Variants in TSGA10 observed in about 807,000 individuals in gnomAD.
TSGA10 encodes the protein testis specific 10, also known as testis-specific gene 10 protein.
In TSGA10, 43 loss-of-function variants were observed where a neutral mutation model predicts 96.6. That is an observed-to-expected ratio of 0.44 (90% CI 0.35 to 0.57). The LOEUF is 0.57. Among genes scored for constraint, TSGA10 ranks in the 20% least tolerant of loss-of-function variants. TSGA10 has a pLI of 0.01. For missense variants in TSGA10, 703 were observed against 834.4 expected (o/e 0.84, Z 1.94); for synonymous variants, 229 against 269.9 (o/e 0.85, Z 1.48).
At chr2:99,146,729 A>G (rs1256807505) in intron 1 of TSGA10, among the ~76,000 whole-genome samples, 1 of 152,116 alleles carries the variant, frequency 6.6e-6, no homozygotes, top group African/African-American at 2.4e-5. Flanking sequence ...CCTGGGTTCA[A>G]GCGATTCTCC....
At chr2:99,095,860 C>A (rs1173685240) in intron 10 of TSGA10, among the ~76,000 whole-genome samples, 1 of 152,122 alleles carries the variant, frequency 6.6e-6, no homozygotes, top group Non-Finnish European at 1.5e-5. Flanking sequence ...AGGCTGGTCT[C>A]AATCTCCTGA....
chr2:99,107,070 C>A (rs893623761), intron 7 of TSGA10, among the ~76,000 whole-genome samples: 4 of 152,136 alleles, frequency 2.6e-5, no homozygotes, highest in Admixed American at 6.5e-5. Context: ...ACATCTTTTT[C>A]CTCAAACCAC....
chr2:99,102,565 C>T lies in TSGA10; in HGVS notation c.611+1402G>A, dbSNP rs560672812. On this transcript the variant is annotated intron_variant, in intron 10 of 20. Transcript: ENST00000393483. ...GCTCTGGATGCTCAGCACAGAAAGG[C>T]TGTGTCAGATATGATTATGGAACTT... 624 of 1,614,064 alleles carry T rather than the reference C, an allele frequency of 3.9e-4. 3 individuals are homozygous for T. The highest frequency in any genetic ancestry group is 3.7e-4 in the Admixed American group (22 of 60,020).
intron 10 of TSGA10, among the ~76,000 whole-genome samples, chr2:99,085,674 A>G (rs1039486622): frequency 4.6e-5 from 7 of 150,978 alleles, no homozygotes; most frequent in Admixed American, 1.3e-4. Context: ...TAAAAAACTA[A>G]AAGACACTGC....
intron 1 of TSGA10, among the ~76,000 whole-genome samples, chr2:99,137,756 G>A (rs1258252163): frequency 6.6e-6 from 1 of 152,022 alleles, no homozygotes; most frequent in Non-Finnish European, 1.5e-5. Context: ...CAAAAATATA[G>A]AGAAGTGGAT....
At chr2:99,084,083 T>A (rs1318060387) in intron 10 of TSGA10, among the ~76,000 whole-genome samples, 5 of 152,216 alleles carry the variant, frequency 3.3e-5, no homozygotes, top group Admixed American at 1.3e-4. Flanking sequence ...TGAAATTATT[T>A]TAAAGCAGCA....
rs2091062073 is a variant in TSGA10, at chr2:99,104,025, T to C, written c.553A>G (p.Lys185Glu). ...VEKEMKSLAR[K>E]AMDTESELGR... Reference sequence around the variant, plus strand: ...AGTTCACTTTCGGTATCCATTGCCTTTCTTGCTAGTGATTTCATTTCTTTT... The same window carrying C: ...AGTTCACTTTCGGTATCCATTGCCTCTCTTGCTAGTGATTTCATTTCTTTT... The change falls in exon 10 of 21, where the codon AAG becomes GAG. Residue 185 changes from lysine (K) to glutamate (E), a missense_variant. By Grantham distance (56) the Lys-to-Glu change is moderately conservative. Transcript: ENST00000393483. 6.2e-7 allele frequency: 1 copy of C among 1,614,132 alleles called. No homozygotes were observed. Among genetic ancestry groups the C allele is most frequent in the South Asian group, 1.1e-5 (1 of 91,070 alleles).
chr2:99,134,798 T>G (rs2093254838), intron 1 of TSGA10, among the ~76,000 whole-genome samples: 1 of 152,174 alleles, frequency 6.6e-6, no homozygotes, highest in South Asian at 2.1e-4. Flanking sequence ...TTTGTTGATA[T>G]TGATGCTATT....
intron 13 of TSGA10, among the ~76,000 whole-genome samples, chr2:99,072,801 C>A (rs1204452299): frequency 6.6e-6 from 1 of 152,168 alleles, no homozygotes; most frequent in South Asian, 2.1e-4. Flanking sequence ...TGGTTCTTTG[C>A]TATTCTTTCT....
chr2:99,147,897 G>A lies in TSGA10; in HGVS notation c.-621+6796C>T, dbSNP rs2093648428. Among the ~76,000 whole-genome samples, 4 of 152,230 alleles carry A rather than the reference G, an allele frequency of 2.6e-5. No homozygotes were observed. In the South Asian group the frequency reaches 8.3e-4, roughly 32 times the overall value. ...TGTATTTCCTAAGAACAAGGACATT[G>A]ACTTATATAACCACAATACAATTAT... is the stretch of plus-strand genomic sequence containing the variant. On this transcript the variant is annotated intron_variant, in intron 1 of 20. Transcript: ENST00000393483.
intron 10 of TSGA10, among the ~76,000 whole-genome samples, chr2:99,100,703 C>T (rs916508727): frequency 1.3e-5 from 2 of 151,072 alleles, no homozygotes; most frequent in Non-Finnish European, 3.0e-5. Flanking sequence ...GCCTGTAGTC[C>T]CAGCTGCTCA....
intron 17 of TSGA10, among the ~76,000 whole-genome samples, chr2:99,023,771 G>C (rs2080264513): frequency 6.6e-6 from 1 of 152,170 alleles, no homozygotes; most frequent in South Asian, 2.1e-4. Flanking sequence ...CCTTATGCTA[G>C]TACCACATTG....
intron 10 of TSGA10, among the ~76,000 whole-genome samples, chr2:99,081,770 C>T (rs1303607763): frequency 6.6e-6 from 1 of 151,770 alleles, no homozygotes; most frequent in African/African-American, 2.4e-5. Flanking sequence ...GAGATGTCTG[C>T]AACACAGGAA....
At chr2:99,047,984 GAATAA>G (rs1440233418) in intron 16 of TSGA10, among the ~76,000 whole-genome samples, 1 of 152,112 alleles carries the variant, frequency 6.6e-6, no homozygotes, top group East Asian at 1.9e-4. Flanking sequence ...GCTTCAAAGA[GAATAA>G]AATACCTAGG....
intron 3 of TSGA10, among the ~76,000 whole-genome samples, chr2:99,118,162 T>C (rs1437205265): frequency 1.3e-5 from 2 of 151,928 alleles, no homozygotes; most frequent in East Asian, 3.9e-4. Context: ...ATATATTAAC[T>C]CTTTTAGGCC....
In TSGA10 at chr2:99,081,270, A is replaced by G. The variant is rs1294684687; in HGVS notation, c.727+12T>C. The G allele has an allele frequency of 1.4e-6, 2 of 1,455,764 alleles. No individual in the cohort carries two copies. The highest frequency in any genetic ancestry group is 1.3e-5 in the South Asian group (1 of 75,204). The allele number at this position is 1,455,764 out of a possible 1,614,324, so 90.2% of individuals were successfully genotyped here. A position where few individuals can be genotyped will look rare whatever the true frequency, so the allele number is the denominator to read the frequency against. On this transcript the variant is annotated intron_variant, in intron 11 of 20. Coordinates refer to ENST00000393483, the MANE Select transcript of TSGA10 (RefSeq NM_025244.4). The stretch of plus-strand genomic sequence containing the variant: ...GAAAAACTAAAAGTAATATTAAGAG[A>G]AAAAAACTCACCAATTTTTTCATCC...
intron 13 of TSGA10, among the ~76,000 whole-genome samples, chr2:99,072,588 C>T (rs1268564553): frequency 1.3e-5 from 2 of 152,150 alleles, no homozygotes; most frequent in Non-Finnish European, 1.5e-5. Flanking sequence ...ACCTCTTCTG[C>T]TTAGGTATCT....
At chr2:99,091,841 C>T (rs535287925) in intron 10 of TSGA10, among the ~76,000 whole-genome samples, 1 of 152,264 alleles carries the variant, frequency 6.6e-6, no homozygotes, top group East Asian at 1.9e-4. Context: ...CAATACTCCA[C>T]TGACAGCACT....
rs2077567638 is a variant in TSGA10 at position 98,997,511 on chromosome 2, T to C, written c.*686A>G. The C allele has an allele frequency of 6.6e-6, 1 of 152,110 alleles. No individual in the cohort carries two copies. The highest frequency in any genetic ancestry group is 2.4e-5 in the African/African-American group (1 of 41,448). The allele number at this position is 152,110 out of a possible 1,614,324, so 9.4% of individuals were successfully genotyped here. On this transcript the variant is annotated 3_prime_UTR_variant, in exon 21 of 21. Coordinates refer to ENST00000393483, the MANE Select transcript of TSGA10 (RefSeq NM_025244.4). ...TGATTGCAGTACTTGAAAGAAAACT[T>C]ATTAAAAATAAAGATTTTTAATAAA...
Sources: gnomAD v4.1 joint callset for allele counts (sites outside exome capture counted in the v4.1 genomes callset) on GRCh38, gnomAD v4.1.1 for gene constraint, MANE v1.5 for transcripts, NCBI Gene and HGNC (gene_info 2026-07-23, HGNC 2026-07-21) for gene names.